The following DENND1A variants were observed in gnomAD, a reference collection of about 807,000 sequenced individuals.
DENND1A encodes DENN domain containing 1A.
DENND1A carries 51 observed loss-of-function variants against 113.7 expected under a neutral mutation model. The observed-to-expected ratio is 0.45, with a 90% CI of 0.36 to 0.57. The LOEUF (loss-of-function observed/expected upper bound fraction) is 0.57. DENND1A is among the 20% of genes least tolerant of loss of function. The pLI, the probability that DENND1A is intolerant of heterozygous loss-of-function variation, is 0.00. For synonymous variants in DENND1A, 565 were observed against 570.8 expected (o/e 0.99, Z 0.14); for missense variants, 1,258 against 1,395.9 (o/e 0.90, Z 1.57).
intron 18 of DENND1A, among the ~76,000 whole-genome samples, chr9:123,447,834 A>G (rs903589094): frequency 3.3e-5 from 5 of 151,844 alleles, no homozygotes; most frequent in Non-Finnish European, 5.9e-5. Flanking sequence ...GCTATGTGAG[A>G]GGTCAGGTGC....
At chr9:123,787,290 T>C (rs1236840313) in intron 3 of DENND1A, among the ~76,000 whole-genome samples, 1 of 152,198 alleles carries the variant, frequency 6.6e-6, no homozygotes, top group African/African-American at 2.4e-5. Flanking sequence ...AACTAGATTA[T>C]ATCTATAATT....
At chr9:123,855,282 G>A (rs531156640) in intron 2 of DENND1A, among the ~76,000 whole-genome samples, 1 of 151,208 alleles carries the variant, frequency 6.6e-6, no homozygotes, top group East Asian at 1.9e-4. Flanking sequence ...TATGCAGGGT[G>A]CCAAGAGGGA....
Position 123,450,392 on chromosome 9 carries a change from C to T in DENND1A, c.1356+301G>A, listed in dbSNP as rs542870592. Among the ~76,000 whole-genome samples the T allele has an allele frequency of 1.2e-4, 19 of 152,332 alleles. No individual in the cohort carries two copies. In the South Asian group the frequency reaches 2.1e-3, roughly 17 times the overall value. On this transcript the variant is annotated intron_variant, in intron 18 of 23. Transcript: ENST00000394215. The stretch of plus-strand genomic sequence containing the variant: ...CAGGTGCCAGATGGGAACACCAAGC[C>T]AATTTCTACAGACGCCTGTGAACTC...
intron 2 of DENND1A, among the ~76,000 whole-genome samples, chr9:123,847,474 G>A (rs1208103783): frequency 6.6e-6 from 1 of 152,172 alleles, no homozygotes; most frequent in Non-Finnish European, 1.5e-5. Context: ...GACTTCAACA[G>A]CAATATAGGA....
At chr9:123,728,506 A>AAACAAAAAAAAAAAAAAAC (rs2067909824) in intron 5 of DENND1A, among the ~76,000 whole-genome samples, 5 of 145,904 alleles carry the variant, frequency 3.4e-5, no homozygotes, top group African/African-American at 1.3e-4. Context: ...AAAAAAAAAA[A>AAACAAAAAAAAAAAAAAAC]AAAACAGGCA....
chr9:123,566,915 A>C (rs906706183), intron 12 of DENND1A, among the ~76,000 whole-genome samples: 3 of 140,088 alleles, frequency 2.1e-5, no homozygotes, highest in Non-Finnish European at 3.3e-5. Flanking sequence ...TTAACACACC[A>C]CACACACACA....
chr9:123,764,601 G>A lies in DENND1A; in HGVS notation c.182+4913C>T, dbSNP rs1392224778. Among the ~76,000 whole-genome samples, 3 of 152,286 alleles carry A rather than the reference G, an allele frequency of 2.0e-5. No individual in the cohort carries two copies. Among genetic ancestry groups the A allele is most frequent in the African/African-American group, 7.2e-5 (3 of 41,552 alleles). ...TAAGTGACACACTTCGAGACAGAAC[G>A]CAATGCCTACCTGCTGGAGAAACTC... is the stretch of plus-strand genomic sequence containing the variant. On this transcript the variant is annotated intron_variant, in intron 4 of 23. Coordinates refer to ENST00000394215, the MANE Select transcript of DENND1A (RefSeq NM_001352964.2). The surrounding 1 kb of genome is among the most constrained non-coding windows in gnomAD (Gnocchi z 4.1).
intron 13 of DENND1A, among the ~76,000 whole-genome samples, chr9:123,543,723 C>A (rs2056453526): frequency 6.6e-6 from 1 of 152,228 alleles, no homozygotes; most frequent in Non-Finnish European, 1.5e-5. Context: ...GGCCTTATTC[C>A]AGACACATCC....
chr9:123,784,159 G>A (rs565293506), intron 3 of DENND1A, among the ~76,000 whole-genome samples: 5 of 152,302 alleles, frequency 3.3e-5, no homozygotes, highest in South Asian at 2.1e-4. Context: ...AAGGGGAGGC[G>A]GCAGGAGACA....
chr9:123,407,358 C>T (rs1215359636), intron 20 of DENND1A, among the ~76,000 whole-genome samples: 1 of 152,036 alleles, frequency 6.6e-6, no homozygotes, highest in Non-Finnish European at 1.5e-5. Context: ...ACATCGAGGC[C>T]TCCAGACTTC....
chr9:123,722,699 T>TAA (rs1357099306), intron 5 of DENND1A, among the ~76,000 whole-genome samples: 1 of 152,240 alleles, frequency 6.6e-6, no homozygotes, highest in Non-Finnish European at 1.5e-5. Context: ...CACATGGTAT[T>TAA]AAGCCTGCAG....
intron 3 of DENND1A, among the ~76,000 whole-genome samples, chr9:123,791,899 C>T (rs931817624): frequency 6.6e-6 from 1 of 152,188 alleles, no homozygotes; most frequent in Non-Finnish European, 1.5e-5. Flanking sequence ...AGCTACAAAA[C>T]ATCTTCAATA....
intron 2 of DENND1A, among the ~76,000 whole-genome samples, chr9:123,855,596 G>A (rs568692228): frequency 1.5e-4 from 23 of 152,212 alleles, no homozygotes; most frequent in East Asian, 1.9e-4. Context: ...TCTGTGCCAC[G>A]CTAAGATTTG....
rs150555870 is a variant in DENND1A at position 123,502,978 on chromosome 9, G to A, written c.994-45081C>T. On this transcript the variant is annotated intron_variant, in intron 13 of 23. Coordinates refer to ENST00000394215, the MANE Select transcript of DENND1A (RefSeq NM_001352964.2). ...GTTCCCAGCTTTGCAAGATCTAGCC[G>A]TGACCATGGCTGCTATGATGAAGCC... Among the ~76,000 whole-genome samples, 304 of 152,332 alleles carry A rather than the reference G, an allele frequency of 2.0e-3. 1 individual carries two copies. Among genetic ancestry groups the A allele is most frequent in the African/African-American group, 6.7e-3 (277 of 41,570 alleles).
intron 19 of DENND1A, chr9:123,413,929 G>A: frequency 1.0e-6 from 1 of 986,388 alleles, no homozygotes; most frequent in African/African-American, 1.7e-5. Context: ...ACCCTGTCTA[G>A]ACACCCAGCT....
intron 5 of DENND1A, among the ~76,000 whole-genome samples, chr9:123,693,647 G>T (rs543848388): frequency 6.6e-6 from 1 of 151,806 alleles, no homozygotes; most frequent in East Asian, 1.9e-4. Context: ...ACCAATGAAG[G>T]ACAAGTTTTC....
chr9:123,648,881 A>G (rs891575953), intron 9 of DENND1A, among the ~76,000 whole-genome samples: 1 of 152,106 alleles, frequency 6.6e-6, no homozygotes, highest in African/African-American at 2.4e-5. Flanking sequence ...CAGAGATGCT[A>G]CAATGCCACC....
At chr9:123,763,064 G>A (rs1351560146) in intron 4 of DENND1A, among the ~76,000 whole-genome samples, 6 of 151,564 alleles carry the variant, frequency 4.0e-5, no homozygotes, top group Non-Finnish European at 8.8e-5. Flanking sequence ...ACAGGTCATG[G>A]TAAAGAATTC....
chr9:123,636,019 G>C (rs2061683215), intron 9 of DENND1A, among the ~76,000 whole-genome samples: 1 of 152,124 alleles, frequency 6.6e-6, no homozygotes, highest in Non-Finnish European at 1.5e-5. Context: ...AGTGAAGAAG[G>C]CTCCTCCTCT....
Sources: gnomAD v4.1 joint callset for allele counts (sites outside exome capture counted in the v4.1 genomes callset) on GRCh38, gnomAD v4.1.1 for gene constraint, Gnocchi (gnomAD v3.1) non-coding constraint, MANE v1.5 for transcripts, NCBI Gene and HGNC (gene_info 2026-07-23, HGNC 2026-07-21) for gene names.